CLASRP: variants seen among roughly 807,000 people sequenced by gnomAD.
The protein encoded by CLASRP is CLK4-associating serine/arginine rich protein.
A neutral mutation model predicts 99.9 loss-of-function variants in CLASRP; 52 were observed. That is an observed-to-expected ratio of 0.52 (90% CI 0.42 to 0.66). The LOEUF is 0.66. Among genes scored for constraint, CLASRP ranks in the 30% least tolerant of loss-of-function variants. The probability of loss-of-function intolerance (pLI) is 0.00; values close to 1 mark genes in which losing one functional copy is unlikely to be tolerated. For missense variants in CLASRP, 848 were observed against 999.2 expected (o/e 0.85, Z 2.04); for synonymous variants, 379 against 373.0 (o/e 1.02, Z -0.18).
rs748885420 is a variant in CLASRP, at chr19:45,064,066, G to A, written c.960G>A (p.Pro320=). 2.5e-6 allele frequency: 4 copies of A among 1,607,726 alleles called. No individual in the cohort carries two copies. Among genetic ancestry groups the A allele is most frequent in the East Asian group, 2.3e-5 (1 of 44,428 alleles). The change falls in exon 12 of 21, where the codon CCG becomes CCA. Residue 320 remains proline, a synonymous_variant. Transcript: ENST00000221455. The part of the protein sequence containing the change: ...ESRSRSRSPT[P]GREEKITFIT... Reference sequence around the variant, plus strand: ...GCTCCCGCTCCCGCTCCCCGACCCCGGGCCGCGAGGAGAAGATCACGTTCA... The same window carrying A: ...GCTCCCGCTCCCGCTCCCCGACCCCAGGCCGCGAGGAGAAGATCACGTTCA...
intron 2 of CLASRP, among the ~76,000 whole-genome samples, chr19:45,044,706 G>A (rs948444518): frequency 2.0e-5 from 3 of 152,106 alleles, no homozygotes; most frequent in African/African-American, 7.2e-5. Flanking sequence ...GGGCTACAGT[G>A]AGCTGTGATT....
chr19:45,067,689 C>A lies in CLASRP; in HGVS notation c.1667+95C>A. 1 of 1,171,646 alleles carries A rather than the reference C, an allele frequency of 8.5e-7. No homozygotes were observed. Among genetic ancestry groups the A allele is most frequent in the East Asian group, 2.5e-5 (1 of 39,398 alleles). 72.6% of individuals were successfully genotyped at this position (1,171,646 alleles called of 1,614,324 possible). ...TTTTTGAGGGGAACTTAGCCCTACCCTGGGAGGTCTGGGGGGTGGTGTATG... is the reference window on the plus strand; with the variant it reads ...TTTTTGAGGGGAACTTAGCCCTACCATGGGAGGTCTGGGGGGTGGTGTATG... On this transcript the variant is annotated intron_variant, in intron 14 of 20. Coordinates refer to ENST00000221455, the MANE Select transcript of CLASRP (RefSeq NM_007056.3). This position sits in a 1 kb window ranked among gnomAD's most constrained non-coding sequence, Gnocchi z 4.9.
Position 45,069,187 on chromosome 19 carries a change from CCCTG to C in CLASRP, c.1828-14_1828-11del. The C allele has an allele frequency of 1.2e-5, 19 of 1,614,058 alleles. No individual in the cohort carries two copies. Among genetic ancestry groups the C allele is most frequent in the Non-Finnish European group, 1.6e-5 (19 of 1,179,990 alleles). On this transcript the variant is annotated splice_polypyrimidine_tract_variant and intron_variant, in intron 17 of 20. Transcript: ENST00000221455. The stretch of plus-strand genomic sequence containing the variant: ...TGCTGGCCTGGCCACGTCCTCATAG[CCCTG>C]TCTGCTGCAGGAGCGGGAAGACGAG...
chr19:45,047,990 G>A (rs1971953054), intron 2 of CLASRP, among the ~76,000 whole-genome samples: 1 of 151,824 alleles, frequency 6.6e-6, no homozygotes, highest in African/African-American at 2.4e-5. Flanking sequence ...CAGGAGAATC[G>A]CTTGAACCTG....
chr19:45,046,284 C>T (rs981305123), intron 2 of CLASRP, among the ~76,000 whole-genome samples: 5 of 152,168 alleles, frequency 3.3e-5, no homozygotes, highest in African/African-American at 7.2e-5. Flanking sequence ...CCTGATTTGT[C>T]GTTGGTGCCT....
At chr19:45,040,501 TGTGTC>T (rs1361761335) in intron 2 of CLASRP, 190 bp downstream of exon 2, 13 of 493,248 alleles carry the variant, frequency 2.6e-5, no homozygotes, top group South Asian at 6.3e-5. Context: ...TGTAGCATAC[TGTGTC>T]GTTTGGTGTG....
At chr19:45,042,057 C>A (rs886333777) in intron 2 of CLASRP, among the ~76,000 whole-genome samples, 4 of 152,198 alleles carry the variant, frequency 2.6e-5, no homozygotes, top group East Asian at 3.9e-4. Flanking sequence ...GATACACATA[C>A]ATGGGCCTGG....
At chr19:45,065,475 C>T (rs903396756) in intron 13 of CLASRP, among the ~76,000 whole-genome samples, 5 of 151,282 alleles carry the variant, frequency 3.3e-5, no homozygotes, top group South Asian at 4.2e-4. Flanking sequence ...GCACGAGAAT[C>T]GTTTCAGCCC....
rs1203081459 is a variant in CLASRP at position 45,053,120 on chromosome 19, G to T, written c.322G>T (p.Glu108Ter). The change falls in exon 5 of 21, where the codon GAA (glutamate) becomes TAA (stop). Residue 108 changes from glutamate (E) to a stop codon, truncating the protein, a stop_gained. Coordinates refer to ENST00000221455, the MANE Select transcript of CLASRP (RefSeq NM_007056.3). LOFTEE classifies it high-confidence loss of function. ...TTISPEQESD[E>*]RKCNYERYRG... ...AAGCTCCCCAGAACAGGAGTCGGAC[G>T]AACGGAAGTGTAACTACGAGCGCTA... 6.2e-7 allele frequency: 1 copy of T among 1,614,038 alleles called. No individual in the cohort carries two copies. Among genetic ancestry groups the T allele is most frequent in the Non-Finnish European group, 8.5e-7 (1 of 1,180,018 alleles).
intron 13 of CLASRP, 90 bp downstream of exon 13, chr19:45,064,720 C>G: frequency 6.9e-7 from 1 of 1,454,162 alleles, no homozygotes. Context: ...GGAAACCTGG[C>G]CGTCCAGCTC....
At chr19:45,050,898 T>C (rs2122550902) in intron 2 of CLASRP, among the ~76,000 whole-genome samples, 1 of 151,912 alleles carries the variant, frequency 6.6e-6, no homozygotes, top group East Asian at 2.0e-4. Flanking sequence ...TTTGTATTTT[T>C]AGTAGAGACA....
intron 7 of CLASRP, among the ~76,000 whole-genome samples, chr19:45,058,711 T>C (rs1972168614): frequency 6.6e-6 from 1 of 152,046 alleles, no homozygotes; most frequent in African/African-American, 2.4e-5. Context: ...ATTCACACTC[T>C]GTGGAGCCAC....
Position 45,056,536 on chromosome 19 carries a change from T to C in CLASRP, c.464+2T>C. 1 of 1,612,842 alleles carries C rather than the reference T, an allele frequency of 6.2e-7. No individual in the cohort carries two copies. Among genetic ancestry groups the C allele is most frequent in the Non-Finnish European group, 8.5e-7 (1 of 1,179,564 alleles). ...ACCCAGCGAAGATGAGAAGAAGAAG[T>C]GAGTCGGGGTCTGGGGTGCAGGGGG... On this transcript the variant is annotated splice_donor_variant, in intron 6 of 20. Transcript: ENST00000221455. LOFTEE classifies it high-confidence loss of function.
chr19:45,045,848 T>A (rs898083516), intron 2 of CLASRP, among the ~76,000 whole-genome samples: 1 of 152,134 alleles, frequency 6.6e-6, no homozygotes, highest in South Asian at 2.1e-4. Context: ...CTGTTGCTGA[T>A]AGAACTGGAG....
rs754095838 is a variant in CLASRP, at chr19:45,069,267, CT to C, written c.1874+20del. ...GCATGAAGTAAGACCTTGCCCCTCC[CT>C]GTCCCATGGCCACACCTCCTGGCCT... is the stretch of plus-strand genomic sequence containing the variant. On this transcript the variant is annotated intron_variant, in intron 18 of 20. Coordinates refer to ENST00000221455, the MANE Select transcript of CLASRP (RefSeq NM_007056.3). 7 of 1,612,014 alleles carry C rather than the reference CT, an allele frequency of 4.3e-6. No individual in the cohort carries two copies. The South Asian group carries it at 6.6e-5, about 15-fold the overall frequency.
intron 2 of CLASRP, among the ~76,000 whole-genome samples, chr19:45,051,274 C>G (rs1367461444): frequency 1.3e-5 from 2 of 152,020 alleles, no homozygotes; most frequent in South Asian, 2.1e-4. Context: ...AAGATTGAGC[C>G]ACCACCTCGA....
chr19:45,069,693 G>A (rs186408150), intron 18 of CLASRP: 65 of 445,148 alleles, frequency 1.5e-4, no homozygotes, highest in African/African-American at 1.1e-3. Flanking sequence ...CCCAGTAGAC[G>A]TAGCCATTGG....
rs1297475418 is a variant in CLASRP at position 45,039,356 on chromosome 19, CA to C, written c.-30+259del. Reference sequence around the variant, plus strand: ...CTTATCACAGGCCCCGCCCCCTTGTCAAAAAAAAAAACAACAAAAAAAAAAC... The same window carrying C: ...CTTATCACAGGCCCCGCCCCCTTGTCAAAAAAAAAACAACAAAAAAAAAAC... On this transcript the variant is annotated intron_variant, in intron 1 of 20. Transcript: ENST00000221455. 1.4e-4 allele frequency among the ~76,000 whole-genome samples: 19 copies of C among 132,854 alleles called. 1 individual carries two copies. The highest frequency in any genetic ancestry group is 7.2e-4 in the South Asian group (3 of 4,168). 87.2% of individuals were successfully genotyped at this position (132,854 alleles called of 152,430 possible).
chr19:45,051,704 CA>C (rs1368750019), intron 2 of CLASRP, among the ~76,000 whole-genome samples: 3 of 151,992 alleles, frequency 2.0e-5, no homozygotes, highest in African/African-American at 7.3e-5. Flanking sequence ...CGCGGTGACT[CA>C]TGCCTGTAAT....
Sources: allele counts gnomAD v4.1 joint callset (sites outside exome capture counted in the v4.1 genomes callset), GRCh38; gene constraint gnomAD v4.1.1; non-coding constraint Gnocchi (gnomAD v3.1); transcripts MANE v1.5; gene names NCBI Gene and HGNC (gene_info 2026-07-23, HGNC 2026-07-21).